PRTN3: variants seen among roughly 807,000 people sequenced by gnomAD.
PRTN3 encodes proteinase 3.
In PRTN3, 22 loss-of-function variants were observed where a neutral mutation model predicts 20.7. The observed-to-expected ratio is 1.06, with a 90% confidence interval of 0.76 to 1.52. The LOEUF (loss-of-function observed/expected upper bound fraction) is 1.52, where lower values mean the gene tolerates loss of function less well. Ranked by LOEUF, PRTN3 falls within the 40% of genes most tolerant of loss-of-function variation. The pLI is 0.00. For synonymous variants in PRTN3, 173 were observed against 152.9 expected, an observed-to-expected ratio of 1.13 and a Z score of -0.97; for missense variants, 378 against 359.6, an observed-to-expected ratio of 1.05 and a Z score of -0.41.
Position 848,086 on chromosome 19 carries a change from CG to C in PRTN3, c.*118del. 7.8e-7 allele frequency: 1 copy of C among 1,286,800 alleles called. No homozygotes were observed. The highest frequency in any genetic ancestry group is 1.1e-6 in the Non-Finnish European group (1 of 950,884). 79.7% of individuals were successfully genotyped at this position (1,286,800 alleles called of 1,614,324 possible). A position where few individuals can be genotyped will look rare whatever the true frequency, so the allele number is the denominator to read the frequency against. On this transcript the variant is annotated 3_prime_UTR_variant, in exon 5 of 5. Transcript: ENST00000234347. ...CTGTGGCGTCCGGGACGGCCCCACC[CG>C]TCCCCCCACACTCCCTCCCACGGGG...
intron 4 of PRTN3, among the ~76,000 whole-genome samples, chr19:847,080 AG>A (rs1272066629): frequency 6.6e-6 from 1 of 152,006 alleles, no homozygotes; most frequent in Non-Finnish European, 1.5e-5. Context: ...CCAAAGCGGA[AG>A]GATCTTTTGA....
At position 847,899 on chromosome 19, in the gene PRTN3, C is replaced by T. The variant is rs781132931; in HGVS notation, c.701C>T (p.Thr234Met). ...CATRLFPDFF[T>M]RVALYVDWIR... Reference sequence around the variant, plus strand: ...ACCCGCCTTTTCCCTGACTTCTTCACGCGGGTAGCCCTCTACGTGGACTGG... The same window carrying T: ...ACCCGCCTTTTCCCTGACTTCTTCATGCGGGTAGCCCTCTACGTGGACTGG... Residue 234 changes from threonine to methionine, a missense_variant, in exon 5 of 5, where the codon ACG becomes ATG. By Grantham distance (81) the Thr-to-Met change is moderately conservative (BLOSUM62 -1). Coordinates refer to ENST00000234347, the MANE Select transcript of PRTN3 (RefSeq NM_002777.4). 27 of 1,608,442 alleles carry T rather than the reference C, an allele frequency of 1.7e-5. No homozygotes were observed. The highest frequency in any genetic ancestry group is 1.1e-4 in the East Asian group (5 of 44,818).
chr19:843,455 C>A lies in PRTN3; in HGVS notation c.62-6C>A, dbSNP rs765703088. On this transcript the variant is annotated splice_region_variant and splice_polypyrimidine_tract_variant and intron_variant, in intron 1 of 4. Coordinates refer to ENST00000234347, the MANE Select transcript of PRTN3 (RefSeq NM_002777.4). ...GCTCCCTGACGCCTGGACTCCCCCC[C>A]TGCAGGTGCTGCCCGAGCTGCGGAG... is the stretch of plus-strand genomic sequence containing the variant. The A allele has an allele frequency of 6.4e-7, 1 of 1,554,664 alleles. No homozygotes were observed. The highest frequency in any genetic ancestry group is 8.7e-7 in the Non-Finnish European group (1 of 1,155,036).
At position 846,269 on chromosome 19, in the gene PRTN3, C is replaced by A. The variant is rs376781226; in HGVS notation, c.492C>A (p.Asp164Glu). ...AMGWGRVGAH[D>E]PPAQVLQELN... ...GCTGGGGCCGCGTGGGTGCCCACGA[C>A]CCCCCAGCCCAGGTCCTGCAGGAGC... The change falls in exon 4 of 5, where the codon GAC (aspartate) becomes GAA (glutamate). Residue 164 changes from aspartate (D) to glutamate (E), a missense_variant. Asp to Glu is a conservative substitution (Grantham distance 45). Coordinates refer to ENST00000234347, the MANE Select transcript of PRTN3 (RefSeq NM_002777.4). The A allele has an allele frequency of 7.6e-6, 12 of 1,577,356 alleles. No homozygotes were observed. The highest frequency in any genetic ancestry group is 5.8e-5 in the South Asian group (5 of 86,076).
Position 847,537 on chromosome 19 carries a change from AAG to A in PRTN3, c.601-260_601-259del, listed in dbSNP as rs1006230230. ...AGAAAGAAAAAGAGAGAAAGAAAGAAAGAAAGAAAGAAAAAGAAAGAGAGAGA... is the reference window on the plus strand; with the variant it reads ...AGAAAGAAAAAGAGAGAAAGAAAGAAAAAGAAAGAAAAAGAAAGAGAGAGA... On this transcript the variant is annotated intron_variant, in intron 4 of 4. Coordinates refer to ENST00000234347, the MANE Select transcript of PRTN3 (RefSeq NM_002777.4). 3.2e-4 allele frequency among the ~76,000 whole-genome samples: 46 copies of A among 142,776 alleles called. No individual in the cohort carries two copies. In the East Asian group the frequency reaches 3.4e-3, roughly 11 times the overall value. 93.7% of individuals were successfully genotyped at this position (142,776 alleles called of 152,430 possible).
At chr19:844,946 A>AT (rs1203344875) in intron 3 of PRTN3, among the ~76,000 whole-genome samples, 39,924 of 123,082 alleles carry the variant, frequency 0.32, 7,557 homozygotes, top group African/African-American at 0.48. Flanking sequence ...TATAAAAGAC[A>AT]TTTTTTTTTT....
chr19:843,379 G>C (rs963600537), intron 1 of PRTN3, 82 bp from the exon 2 acceptor site: 6 of 1,392,176 alleles, frequency 4.3e-6, no homozygotes, highest in East Asian at 2.7e-5. Flanking sequence ...ACGGAGGCTC[G>C]GAGAGGCCCA....
At chr19:846,021 C>T in intron 3 of PRTN3, 126 bp from the exon 4 acceptor site, 2 of 600,434 alleles carry the variant, frequency 3.3e-6, no homozygotes, top group Non-Finnish European at 5.6e-6. Flanking sequence ...TCGTGGGGCC[C>T]AGGCGGAGGG....
intron 4 of PRTN3, among the ~76,000 whole-genome samples, chr19:847,167 A>G (rs955665320): frequency 5.9e-5 from 9 of 152,174 alleles, no homozygotes; most frequent in African/African-American, 1.9e-4. Flanking sequence ...TTAGCTGGGC[A>G]TGGTGATGTG....
In PRTN3 at chr19:843,936, C is replaced by T. The variant is rs376658510; in HGVS notation, c.271C>T (p.Arg91Trp). The change falls in exon 3 of 5, where the codon CGG (arginine) becomes TGG (tryptophan). Residue 91 changes from arginine (R) to tryptophan (W), a missense_variant. By Grantham distance (101) the Arg-to-Trp change is moderately radical. Coordinates refer to ENST00000234347, the MANE Select transcript of PRTN3 (RefSeq NM_002777.4). ...VNVVLGAHNVRTQEPTQQHFS... is the reference protein window; with the variant it reads ...VNVVLGAHNVWTQEPTQQHFS... ...CGTGGTGCTCGGAGCCCACAACGTGCGGACGCAGGAGCCCACCCAGCAGCA... is the reference window on the plus strand; with the variant it reads ...CGTGGTGCTCGGAGCCCACAACGTGTGGACGCAGGAGCCCACCCAGCAGCA... The T allele has an allele frequency of 1.4e-4, 225 of 1,598,912 alleles. 1 individual carries two copies. The Admixed American group carries it at 2.1e-3, about 15-fold the overall frequency.
rs1337512218 is a variant in PRTN3 at position 848,093 on chromosome 19, CCA to C, written c.*128_*129del. Reference sequence around the variant, plus strand: ...GTCCGGGACGGCCCCACCCGTCCCCCCACACTCCCTCCCACGGGGCTCCGGGA... The same window carrying C: ...GTCCGGGACGGCCCCACCCGTCCCCCCACTCCCTCCCACGGGGCTCCGGGA... On this transcript the variant is annotated 3_prime_UTR_variant, in exon 5 of 5. Coordinates refer to ENST00000234347, the MANE Select transcript of PRTN3 (RefSeq NM_002777.4). The C allele has an allele frequency of 8.2e-7, 1 of 1,226,668 alleles. No individual in the cohort carries two copies. The highest frequency in any genetic ancestry group is 1.1e-6 in the Non-Finnish European group (1 of 900,208). 76.0% of individuals were successfully genotyped at this position (1,226,668 alleles called of 1,614,324 possible).
In PRTN3 at chr19:846,366, G is replaced by T; in HGVS notation, c.589G>T (p.Gly197Cys). 1 of 1,555,126 alleles carries T rather than the reference G, an allele frequency of 6.4e-7. No individual in the cohort carries two copies. Among genetic ancestry groups the T allele is most frequent in the Non-Finnish European group, 8.7e-7 (1 of 1,150,362 alleles). Residue 197 changes from glycine to cysteine, a missense_variant, in exon 4 of 5, where the codon GGC becomes TGC. By Grantham distance (159) the Gly-to-Cys change is radical. Coordinates refer to ENST00000234347, the MANE Select transcript of PRTN3 (RefSeq NM_002777.4). ...ICTFVPRRKA[G>C]ICFGDSGGPL... ...CACTTTCGTCCCTCGCCGCAAGGCC[G>T]GCATCTGCTTCGTAAGTAACCGTGC...
intron 1 of PRTN3, among the ~76,000 whole-genome samples, chr19:841,568 A>ATGAATGAG (rs965079998): frequency 1.8e-5 from 1 of 54,380 alleles, no homozygotes; most frequent in Non-Finnish European, 3.9e-5. Context: ...GAATGAGTGA[A>ATGAATGAG]TGAATGAGTG....
Position 841,561 on chromosome 19 carries a change from T to C in PRTN3, c.61+492T>C, listed in dbSNP as rs574483448. On this transcript the variant is annotated intron_variant, in intron 1 of 4. Transcript: ENST00000234347. ...ATGAGTGAGTGAATGAATGAGTGAA[T>C]GAGTGAATGAATGAGTGAATGAGTG... 6.8e-4 allele frequency among the ~76,000 whole-genome samples: 34 copies of C among 50,256 alleles called. 1 individual carries two copies. In the South Asian group the frequency reaches 0.02, roughly 29 times the overall value. 33.0% of individuals were successfully genotyped at this position (50,256 alleles called of 152,430 possible). A position where few individuals can be genotyped will look rare whatever the true frequency, so the allele number is the denominator to read the frequency against.
At chr19:847,549 A>AAG (rs1439165596) in intron 4 of PRTN3, among the ~76,000 whole-genome samples, 325 of 127,772 alleles carry the variant, frequency 2.5e-3, no homozygotes, top group East Asian at 8.4e-3. Flanking sequence ...GAAAGAAAGA[A>AAG]AAAGAAAGAG....
chr19:843,763 T>C (rs1194745355), intron 2 of PRTN3, 130 bp from the exon 3 acceptor site: 2 of 1,453,456 alleles, frequency 1.4e-6, no homozygotes, highest in East Asian at 2.5e-5. Flanking sequence ...GCGTGGGCAG[T>C]TCTGGGGGGA....
intron 3 of PRTN3, 115 bp downstream of exon 3, chr19:844,149 C>T: frequency 7.4e-7 from 1 of 1,356,616 alleles, no homozygotes; most frequent in Non-Finnish European, 9.8e-7. Flanking sequence ...ACGACCGAGG[C>T]CGCTGCAGCC....
At chr19:843,288 G>A in intron 1 of PRTN3, 173 bp from the exon 2 acceptor site, 1 of 637,438 alleles carries the variant, frequency 1.6e-6, no homozygotes, top group Non-Finnish European at 2.6e-6. Flanking sequence ...TTTGGAAATC[G>A]TCGTAATTAT....
At chr19:843,065 C>G (rs890944876) in intron 1 of PRTN3, among the ~76,000 whole-genome samples, 2 of 152,146 alleles carry the variant, frequency 1.3e-5, no homozygotes, top group Non-Finnish European at 2.9e-5. Context: ...CAGGTGCACA[C>G]CACCATGCCT....
Sources: gnomAD v4.1 joint callset for allele counts (sites outside exome capture counted in the v4.1 genomes callset) on GRCh38, gnomAD v4.1.1 for gene constraint, MANE v1.5 for transcripts, NCBI Gene and HGNC (gene_info 2026-07-23, HGNC 2026-07-21) for gene names.